GRAMD1B: variants seen among roughly 807,000 people sequenced by gnomAD.
GRAMD1B encodes the protein protein Aster-B.
Under a neutral mutation model 99.7 loss-of-function variants are expected in GRAMD1B, and 37 were observed. That is an observed-to-expected ratio of 0.37 (90% CI 0.29 to 0.49). GRAMD1B has a LOEUF of 0.49. Among genes scored for constraint, GRAMD1B ranks in the 20% least tolerant of loss-of-function variants. GRAMD1B has a pLI of 0.98. For missense variants in GRAMD1B, 888 were observed against 1,009.2 expected (o/e 0.88, Z 1.63); for synonymous variants, 427 against 387.6 (o/e 1.10, Z -1.19).
chr11:123,596,055 C>T lies in GRAMD1B; in HGVS notation c.969+18C>T. 1 of 1,384,314 alleles carries T rather than the reference C, an allele frequency of 7.2e-7. No homozygotes were observed. The highest frequency in any genetic ancestry group is 1.0e-6 in the Non-Finnish European group (1 of 981,994). The allele number at this position is 1,384,314 out of a possible 1,614,324, so 85.8% of individuals were successfully genotyped here. The stretch of plus-strand genomic sequence containing the variant: ...CAGAAAAGGTAAGTGGAGTCTAACT[C>T]TGGCCTTTCTAATCCTCCCTTACTC... On this transcript the variant is annotated intron_variant, in intron 7 of 19. Transcript: ENST00000635736.
At chr11:123,536,433 T>A (rs1466773908) in intron 2 of GRAMD1B, among the ~76,000 whole-genome samples, 1 of 152,032 alleles carries the variant, frequency 6.6e-6, no homozygotes, top group African/African-American at 2.4e-5. Context: ...TGTAAATAAA[T>A]GAAAAATAAA....
intron 2 of GRAMD1B, chr11:123,560,155 T>G: frequency 1.0e-6 from 1 of 986,154 alleles, no homozygotes; most frequent in Non-Finnish European, 1.2e-6. Context: ...AGAGTTGCAT[T>G]ATGTAAACCG....
At chr11:123,555,723 C>T (rs570145469) in intron 2 of GRAMD1B, among the ~76,000 whole-genome samples, 1 of 152,160 alleles carries the variant, frequency 6.6e-6, no homozygotes, top group East Asian at 1.9e-4. Flanking sequence ...TCAGTTTTCT[C>T]ATCAGTTTGA....
intron 2 of GRAMD1B, among the ~76,000 whole-genome samples, chr11:123,530,194 G>C (rs1368020587): frequency 1.3e-5 from 1 of 79,574 alleles, no homozygotes; most frequent in Non-Finnish European, 2.8e-5. Context: ...TAGCTGGGAG[G>C]GTCCATTTTT....
At chr11:123,560,204 T>TGC (rs1946583773) in intron 2 of GRAMD1B, 1 of 1,030,220 alleles carries the variant, frequency 9.7e-7, no homozygotes. Flanking sequence ...TGTGCGTGTC[T>TGC]GCGCGCAAGA....
chr11:123,564,752 G>A (rs777272107), intron 2 of GRAMD1B, among the ~76,000 whole-genome samples: 2 of 152,210 alleles, frequency 1.3e-5, no homozygotes, highest in Non-Finnish European at 2.9e-5. Flanking sequence ...CATTTCTCTT[G>A]CTGAGGATGG....
chr11:123,585,040 C>T (rs1245151207), intron 4 of GRAMD1B, among the ~76,000 whole-genome samples: 3 of 152,232 alleles, frequency 2.0e-5, no homozygotes, highest in Admixed American at 6.5e-5. Flanking sequence ...AGCTGGCCCC[C>T]GCCGTGTGTT....
chr11:123,609,315 C>T (rs1477046949), intron 12 of GRAMD1B, among the ~76,000 whole-genome samples: 1 of 152,170 alleles, frequency 6.6e-6, no homozygotes, highest in Non-Finnish European at 1.5e-5. Context: ...CTCTGTGCTT[C>T]TGCCTCCTCC....
At chr11:123,415,095 C>CTTTTTTTTTTTTTTTTTT (rs1175202539) in intron 1 of GRAMD1B, among the ~76,000 whole-genome samples, 2 of 75,816 alleles carry the variant, frequency 2.6e-5, no homozygotes, top group Admixed American at 1.7e-4. Context: ...CTTTTTCTTT[C>CTTTTTTTTTTTTTTTTTT]TTTTTTTTTT....
intron 1 of GRAMD1B, among the ~76,000 whole-genome samples, chr11:123,399,870 C>G (rs996544512): frequency 6.6e-6 from 1 of 152,056 alleles, no homozygotes; most frequent in Non-Finnish European, 1.5e-5. Flanking sequence ...TCTACCTGCC[C>G]CTAACTCCCA....
chr11:123,472,227 CAA>C (rs35517773), intron 1 of GRAMD1B, among the ~76,000 whole-genome samples: 17 of 123,450 alleles, frequency 1.4e-4, no homozygotes, highest in Admixed American at 1.6e-4. Flanking sequence ...GACTCTGTCT[CAA>C]AAAAAAAAAA....
chr11:123,625,840 T>C lies in GRAMD1B; in HGVS notation c.*3245T>C, dbSNP rs1042030918. The C allele has an allele frequency of 6.6e-6, 1 of 151,976 alleles. No homozygotes were observed. 9.4% of individuals were successfully genotyped at this position (151,976 alleles called of 1,614,324 possible). ...CCAGAGGCTGAAGCTTCCCAGTATT[T>C]AGAGGTGTGGTAGGGCAGTGTCTGC... On this transcript the variant is annotated 3_prime_UTR_variant, in exon 20 of 20. Coordinates refer to ENST00000635736, the MANE Select transcript of GRAMD1B (RefSeq NM_001387025.1).
intron 1 of GRAMD1B, among the ~76,000 whole-genome samples, chr11:123,382,276 C>G (rs1946904105): frequency 6.6e-6 from 1 of 152,094 alleles, no homozygotes; most frequent in Non-Finnish European, 1.5e-5. Context: ...CTTTCAAGAC[C>G]AGCGCTGGGA....
At position 123,603,409 on chromosome 11, in the gene GRAMD1B, C is replaced by T. The variant is rs1430729642; in HGVS notation, c.1051-17C>T. On this transcript the variant is annotated splice_polypyrimidine_tract_variant and intron_variant, in intron 8 of 19. Coordinates refer to ENST00000635736, the MANE Select transcript of GRAMD1B (RefSeq NM_001387025.1). ...CCTGAGGGAGCAAGGCTCAGTCGTT[C>T]CTTTTCTCCCCTGAAGCCTCTGTGT... The T allele has an allele frequency of 1.3e-6, 2 of 1,487,678 alleles. No homozygotes were observed. Among genetic ancestry groups the T allele is most frequent in the South Asian group, 1.1e-5 (1 of 88,436 alleles). The allele number at this position is 1,487,678 out of a possible 1,614,324, so 92.2% of individuals were successfully genotyped here.
At chr11:123,497,943 A>G (rs977022080) in intron 2 of GRAMD1B, among the ~76,000 whole-genome samples, 8 of 151,196 alleles carry the variant, frequency 5.3e-5, no homozygotes, top group Non-Finnish European at 1.0e-4. Context: ...GCTGGCATAT[A>G]AACCACAAGA....
At chr11:123,557,959 A>G (rs1215020054) in intron 2 of GRAMD1B, among the ~76,000 whole-genome samples, 4 of 150,352 alleles carry the variant, frequency 2.7e-5, no homozygotes, top group Non-Finnish European at 5.9e-5. Context: ...TTAATGGAGG[A>G]AAGGACATTC....
At chr11:123,592,579 G>A (rs990025879) in intron 4 of GRAMD1B, among the ~76,000 whole-genome samples, 25 of 152,170 alleles carry the variant, frequency 1.6e-4, no homozygotes, top group African/African-American at 6.0e-4. Flanking sequence ...TGGTCAAGCT[G>A]GGGTTTTCAG....
At chr11:123,497,604 A>G (rs1939428543) in intron 2 of GRAMD1B, among the ~76,000 whole-genome samples, 1 of 152,164 alleles carries the variant, frequency 6.6e-6, no homozygotes, top group Non-Finnish European at 1.5e-5. Flanking sequence ...GTTCTATTCT[A>G]CTGCAGCTAA....
Position 123,625,944 on chromosome 11 carries a change from G to GAGAC in GRAMD1B, c.*3352_*3353insCAGA, listed in dbSNP as rs779677798. 7.2e-5 allele frequency: 7 copies of GAGAC among 97,458 alleles called. No homozygotes were observed. Among genetic ancestry groups the GAGAC allele is most frequent in the African/African-American group, 2.6e-4 (7 of 27,020 alleles). 6.0% of individuals were successfully genotyped at this position (97,458 alleles called of 1,614,324 possible). ...CTGGGGAGGCCCAGTGGAAGAGAGA[G>GAGAC]AGAGAGAGAGAGAGAGAGAGAGAGA... On this transcript the variant is annotated 3_prime_UTR_variant, in exon 20 of 20. Transcript: ENST00000635736.
Sources: gnomAD v4.1 joint callset for allele counts (sites outside exome capture counted in the v4.1 genomes callset) on GRCh38, gnomAD v4.1.1 for gene constraint, MANE v1.5 for transcripts, NCBI Gene and HGNC (gene_info 2026-07-23, HGNC 2026-07-21) for gene names.